STAT1: variants seen among roughly 807,000 people sequenced by gnomAD.
STAT1 encodes the protein signal transducer and activator of transcription 1-alpha/beta.
STAT1 carries 24 observed loss-of-function variants against 111.7 expected under a neutral mutation model. The ratio of observed to expected loss-of-function variants is 0.21; its 90% CI spans 0.16 to 0.30. STAT1 has a LOEUF of 0.30. STAT1 is among the 10% of genes least tolerant of loss of function. STAT1 has a pLI of 1.00. For synonymous variants in STAT1, 332 were observed against 326.5 expected (o/e 1.02, Z -0.18); for missense variants, 351 against 911.9 (o/e 0.38, Z 7.92).
rs969826703 is a variant in STAT1 at position 190,990,425 on chromosome 2, C to T, written c.1038-751G>A. Among the ~76,000 whole-genome samples the T allele has an allele frequency of 5.3e-5, 8 of 152,190 alleles. No individual in the cohort carries two copies. Among genetic ancestry groups the T allele is most frequent in the African/African-American group, 1.4e-4 (6 of 41,442 alleles). On this transcript the variant is annotated intron_variant, in intron 11 of 24. Coordinates refer to ENST00000361099, the MANE Select transcript of STAT1 (RefSeq NM_007315.4). The surrounding 1 kb of genome is among the most constrained non-coding windows in gnomAD (Gnocchi z 5.1). ...TATGAAGGCCAGTCCAGTTCTTCAG[C>T]GTCTAGCTACTCATCATAAGAAGAA...
chr2:191,011,696 T>C (rs760161185), intron 2 of STAT1, among the ~76,000 whole-genome samples: 9 of 152,188 alleles, frequency 5.9e-5, no homozygotes, highest in Non-Finnish European at 1.2e-4. Flanking sequence ...CTCGTGATAA[T>C]GAGTGAGCCT....
rs2124997262 is a variant in STAT1 at position 190,975,974 on chromosome 2, A to C, written c.2060-87T>G. ...AACTTTTCGGGGGGATTAAAGTTCTACTGTGTTTCTAGACAGCTTAGCCTC... is the reference window on the plus strand; with the variant it reads ...AACTTTTCGGGGGGATTAAAGTTCTCCTGTGTTTCTAGACAGCTTAGCCTC... On this transcript the variant is annotated intron_variant, in intron 22 of 24. Transcript: ENST00000361099. This position sits in a 1 kb window ranked among gnomAD's most constrained non-coding sequence, Gnocchi z 5.9. The C allele has an allele frequency of 8.4e-7, 1 of 1,195,356 alleles. No homozygotes were observed. Among genetic ancestry groups the C allele is most frequent in the South Asian group, 1.3e-5 (1 of 78,900 alleles). The allele number at this position is 1,195,356 out of a possible 1,614,324, so 74.0% of individuals were successfully genotyped here. A position where few individuals can be genotyped will look rare whatever the true frequency, so the allele number is the denominator to read the frequency against.
intron 5 of STAT1, among the ~76,000 whole-genome samples, chr2:191,002,987 C>T (rs1694391597): frequency 6.6e-6 from 1 of 152,138 alleles, no homozygotes. Flanking sequence ...TATAATAAAT[C>T]ATATTTGGTC....
chr2:190,993,873 A>G lies in STAT1; in HGVS notation c.944+1188T>C, dbSNP rs1693595691. Among the ~76,000 whole-genome samples the G allele has an allele frequency of 6.6e-6, 1 of 152,136 alleles. No homozygotes were observed. Among genetic ancestry groups the G allele is most frequent in the Admixed American group, 6.5e-5 (1 of 15,272 alleles). The stretch of plus-strand genomic sequence containing the variant: ...TCTACTAAGTGTGTCTAGAGAGCCT[A>G]CTGTTCACAAGGCACTGCGCTAGGT... On this transcript the variant is annotated intron_variant, in intron 10 of 24. Transcript: ENST00000361099. The surrounding 1 kb of genome is among the most constrained non-coding windows in gnomAD (Gnocchi z 4.1).
Position 191,012,498 on chromosome 2 carries a change from C to T in STAT1, c.-2+1027G>A, listed in dbSNP as rs1156721725. Among the ~76,000 whole-genome samples, 1 of 152,060 alleles carries T rather than the reference C, an allele frequency of 6.6e-6. No individual in the cohort carries two copies. The highest frequency in any genetic ancestry group is 1.5e-5 in the Non-Finnish European group (1 of 68,016). On this transcript the variant is annotated intron_variant, in intron 2 of 24. Transcript: ENST00000361099. The surrounding 1 kb of genome is among the most constrained non-coding windows in gnomAD (Gnocchi z 4.0). ...ATCTACTCACAAAACCTGTTACCAA[C>T]TCAGGGAGTGGCATGGCCATCTCCC... is the stretch of plus-strand genomic sequence containing the variant.
rs1032550236 is a variant in STAT1 at position 190,971,372 on chromosome 2, A to G, written c.2239-655T>C. On this transcript the variant is annotated intron_variant, in intron 24 of 24. Transcript: ENST00000361099. The surrounding 1 kb of genome is among the most constrained non-coding windows in gnomAD (Gnocchi z 4.1). ...CTGTCCCCTGGCAATGGCTGAAGAC[A>G]TTGCTGATTGTCCCATCTGGCTGTG... Among the ~76,000 whole-genome samples the G allele has an allele frequency of 6.6e-6, 1 of 152,220 alleles. No homozygotes were observed. Among genetic ancestry groups the G allele is most frequent in the East Asian group, 1.9e-4 (1 of 5,172 alleles).
Position 190,986,732 on chromosome 2 carries a change from C to T in STAT1, c.1221+122G>A. ...ACTGGCGACAGGAAGACACCAGCCA[C>T]AAAGTCTACAAACCCCAGCAGGGGG... On this transcript the variant is annotated intron_variant, in intron 14 of 24. Transcript: ENST00000361099. The surrounding 1 kb of genome is among the most constrained non-coding windows in gnomAD (Gnocchi z 5.0). 1.1e-6 allele frequency: 1 copy of T among 949,590 alleles called. No homozygotes were observed. The highest frequency in any genetic ancestry group is 1.7e-6 in the Non-Finnish European group (1 of 586,446). 58.8% of individuals were successfully genotyped at this position (949,590 alleles called of 1,614,324 possible).
At chr2:190,994,298 G>A (rs1251764395) in intron 10 of STAT1, among the ~76,000 whole-genome samples, 4 of 152,164 alleles carry the variant, frequency 2.6e-5, no homozygotes, top group Admixed American at 6.5e-5. Context: ...CTGCAGAAGG[G>A]GGGCCGTGAA....
Position 190,976,731 on chromosome 2 carries a change from A to C in STAT1, c.2059+109T>G, listed in dbSNP as rs41531551. On this transcript the variant is annotated intron_variant, in intron 22 of 24. Transcript: ENST00000361099. This position sits in a 1 kb window ranked among gnomAD's most constrained non-coding sequence, Gnocchi z 6.0. ...AGTTTATGCCATCTTTTGAAAGCCT[A>C]CTCTTACCAATTCGAAAGCAAAACA... 1.4e-4 allele frequency: 128 copies of C among 939,126 alleles called. 1 individual carries two copies. The African/African-American group carries it at 2.0e-3, about 14-fold the overall frequency. The allele number at this position is 939,126 out of a possible 1,614,324, so 58.2% of individuals were successfully genotyped here. A position where few individuals can be genotyped will look rare whatever the true frequency, so the allele number is the denominator to read the frequency against.
Position 190,984,002 on chromosome 2 carries a change from T to C in STAT1, c.1348-262A>G, listed in dbSNP as rs759140860. On this transcript the variant is annotated intron_variant, in intron 16 of 24. Coordinates refer to ENST00000361099, the MANE Select transcript of STAT1 (RefSeq NM_007315.4). This position sits in a 1 kb window ranked among gnomAD's most constrained non-coding sequence, Gnocchi z 5.2. ...ATGCAATATGAGAAGATGAAAACTGTCACAATGAAAACATAAAATGTGGGG... is the reference window on the plus strand; with the variant it reads ...ATGCAATATGAGAAGATGAAAACTGCCACAATGAAAACATAAAATGTGGGG... Among the ~76,000 whole-genome samples, 2 of 152,014 alleles carry C rather than the reference T, an allele frequency of 1.3e-5. No individual in the cohort carries two copies. Among genetic ancestry groups the C allele is most frequent in the East Asian group, 3.9e-4 (2 of 5,172 alleles).
chr2:190,985,408 T>C (rs1692725829), intron 15 of STAT1, among the ~76,000 whole-genome samples: 2 of 152,266 alleles, frequency 1.3e-5, no homozygotes, highest in Non-Finnish European at 2.9e-5. Flanking sequence ...GAGTGTCTAA[T>C]GAATTTGTGT....
chr2:191,009,395 A>G lies in STAT1; in HGVS notation c.129-288T>C, dbSNP rs41497045. 5.4e-3 allele frequency among the ~76,000 whole-genome samples: 820 copies of G among 151,832 alleles called. 8 individuals carry two copies. The highest frequency in any genetic ancestry group is 0.051 in the Middle Eastern group (15 of 294). On this transcript the variant is annotated intron_variant, in intron 3 of 24. Coordinates refer to ENST00000361099, the MANE Select transcript of STAT1 (RefSeq NM_007315.4). ...GTCAACAGGGGACCCTTCACTTTCTATGTCAAATACTTTCAGGACGTTTTT... is the reference window on the plus strand; with the variant it reads ...GTCAACAGGGGACCCTTCACTTTCTGTGTCAAATACTTTCAGGACGTTTTT...
rs544611228 is a variant in STAT1 at position 191,000,641 on chromosome 2, G to T, written c.462+433C>A. ...TGCTGTGGATGTCTTAATCAGAAAT[G>T]TATCCAAATTTCTTTCAATAAAATG... On this transcript the variant is annotated intron_variant, in intron 6 of 24. Transcript: ENST00000361099. The surrounding 1 kb of genome is among the most constrained non-coding windows in gnomAD (Gnocchi z 4.8). Among the ~76,000 whole-genome samples, 2 of 152,308 alleles carry T rather than the reference G, an allele frequency of 1.3e-5. No individual in the cohort carries two copies. Among genetic ancestry groups the T allele is most frequent in the South Asian group, 4.1e-4 (2 of 4,832 alleles).
At position 190,973,199 on chromosome 2, in the gene STAT1, G is replaced by C. The variant is rs571833983; in HGVS notation, c.2238+1631C>G. On this transcript the variant is annotated intron_variant, in intron 24 of 24. Transcript: ENST00000361099. This position sits in a 1 kb window ranked among gnomAD's most constrained non-coding sequence, Gnocchi z 4.4. ...CCTGTACAAACAGCTTCTTCAGGGT[G>C]CATGTTTTGAATGGGGCAAAGATTA... Among the ~76,000 whole-genome samples, 2 of 152,170 alleles carry C rather than the reference G, an allele frequency of 1.3e-5. No homozygotes were observed. Among genetic ancestry groups the C allele is most frequent in the Admixed American group, 1.3e-4 (2 of 15,286 alleles).
chr2:191,011,362 A>G (rs1405070635), intron 2 of STAT1, among the ~76,000 whole-genome samples: 1 of 152,166 alleles, frequency 6.6e-6, no homozygotes, highest in Non-Finnish European at 1.5e-5. Context: ...TGGGAGCTGC[A>G]ACGCCTCTTA....
chr2:191,005,247 C>T (rs983631681), intron 5 of STAT1, among the ~76,000 whole-genome samples: 1 of 152,178 alleles, frequency 6.6e-6, no homozygotes, highest in African/African-American at 2.4e-5. Flanking sequence ...CCCTATTCTC[C>T]TTACTCTTCT....
At position 191,007,013 on chromosome 2, in the gene STAT1, T is replaced by C. The variant is rs563114032; in HGVS notation, c.372+550A>G. 2.0e-5 allele frequency among the ~76,000 whole-genome samples: 3 copies of C among 152,312 alleles called. No individual in the cohort carries two copies. The highest frequency in any genetic ancestry group is 6.5e-5 in the Admixed American group (1 of 15,292). On this transcript the variant is annotated intron_variant, in intron 5 of 24. Coordinates refer to ENST00000361099, the MANE Select transcript of STAT1 (RefSeq NM_007315.4). This position sits in a 1 kb window ranked among gnomAD's most constrained non-coding sequence, Gnocchi z 4.2. ...AGCATTACCATTTTTCAAGGGGTTC[T>C]AGTAGCTGCTGTAGAGCCATCCTTG...
At position 190,975,003 on chromosome 2, in the gene STAT1, C is replaced by A; in HGVS notation, c.2136-71G>T. On this transcript the variant is annotated intron_variant, in intron 23 of 24. Coordinates refer to ENST00000361099, the MANE Select transcript of STAT1 (RefSeq NM_007315.4). This position sits in a 1 kb window ranked among gnomAD's most constrained non-coding sequence, Gnocchi z 5.9. ...GAAAGCACTAGTGCATACTTACACA[C>A]TTTATCTTTTGTCTGTAATTGAATT... 8.9e-7 allele frequency: 1 copy of A among 1,126,270 alleles called. No individual in the cohort carries two copies. The highest frequency in any genetic ancestry group is 1.3e-6 in the Non-Finnish European group (1 of 747,002). 69.8% of individuals were successfully genotyped at this position (1,126,270 alleles called of 1,614,324 possible). A position where few individuals can be genotyped will look rare whatever the true frequency, so the allele number is the denominator to read the frequency against.
Position 190,976,356 on chromosome 2 carries a change from C to T in STAT1, c.2060-469G>A, listed in dbSNP as rs1691904824. ...ACAAAACAGGTCTAATTCGAACCTT[C>T]TCAAATGCAATTCATTGACAACTGA... On this transcript the variant is annotated intron_variant, in intron 22 of 24. Transcript: ENST00000361099. The surrounding 1 kb of genome is among the most constrained non-coding windows in gnomAD (Gnocchi z 6.0). Among the ~76,000 whole-genome samples, 1 of 152,216 alleles carries T rather than the reference C, an allele frequency of 6.6e-6. No individual in the cohort carries two copies. Among genetic ancestry groups the T allele is most frequent in the Admixed American group, 6.5e-5 (1 of 15,270 alleles).
Sources: allele counts gnomAD v4.1 joint callset (sites outside exome capture counted in the v4.1 genomes callset), GRCh38; gene constraint gnomAD v4.1.1; non-coding constraint Gnocchi (gnomAD v3.1); transcripts MANE v1.5; gene names NCBI Gene and HGNC (gene_info 2026-07-23, HGNC 2026-07-21).